SPPL2C: variants seen among roughly 807,000 people sequenced by gnomAD.
SPPL2C encodes the protein signal peptide peptidase like 2C.
Under a neutral mutation model 38.8 loss-of-function variants are expected in SPPL2C, and 33 were observed. That is an observed-to-expected ratio of 0.85 (90% CI 0.64 to 1.14). SPPL2C has a LOEUF of 1.14. SPPL2C is among the 50% of genes most tolerant of loss of function. The probability of loss-of-function intolerance (pLI) is 0.00; values close to 1 mark genes in which losing one functional copy is unlikely to be tolerated. For synonymous variants in SPPL2C, 384 were observed against 390.7 expected, an observed-to-expected ratio of 0.98 and a Z score of 0.20; for missense variants, 899 against 904.4, an observed-to-expected ratio of 0.99 and a Z score of 0.08.
Position 45,845,518 on chromosome 17 carries a change from G to T in SPPL2C, c.612G>T (p.Trp204Cys). Residue 204 changes from tryptophan to cysteine, a missense_variant, in exon 1 of 1, where the codon TGG becomes TGT. By Grantham distance (215) the Trp-to-Cys change is radical. Coordinates refer to ENST00000329196, the MANE Select transcript of SPPL2C (RefSeq NM_175882.3). ...AVGTVAAGGY[W>C]AGLTEANRLQ... ...GCACAGTGGCTGCAGGCGGCTACTG[G>T]GCCGGCCTGACCGAAGCCAACCGGC... 6.2e-7 allele frequency: 1 copy of T among 1,602,340 alleles called. No homozygotes were observed.
In SPPL2C at chr17:45,845,445, A is replaced by G; in HGVS notation, c.539A>G (p.Glu180Gly). The G allele has an allele frequency of 3.1e-6, 5 of 1,611,718 alleles. No individual in the cohort carries two copies. Among genetic ancestry groups the G allele is most frequent in the Non-Finnish European group, 4.2e-6 (5 of 1,180,002 alleles). The change falls in exon 1 of 1, where the codon GAG (glutamate) becomes GGG (glycine). Residue 180 changes from glutamate (E) to glycine (G), a missense_variant. Transcript: ENST00000329196. Reference sequence around the variant, plus strand: ...CGCGTGGCCATGTACGCACCCCCAGAGCCCATCATCGACTACAACATGCTG... The same window carrying G: ...CGCGTGGCCATGTACGCACCCCCAGGGCCCATCATCGACTACAACATGCTG... ...VVRVAMYAPP[E>G]PIIDYNMLVI...
Position 45,845,803 on chromosome 17 carries a change from C to G in SPPL2C, c.897C>G (p.Pro299=). The G allele has an allele frequency of 1.2e-6, 2 of 1,609,452 alleles. No individual in the cohort carries two copies. The highest frequency in any genetic ancestry group is 1.7e-6 in the Non-Finnish European group (2 of 1,179,966). Residue 299 remains proline (P), a synonymous_variant, in exon 1 of 1, where the codon CCC becomes CCG. Transcript: ENST00000329196. ...AGIGLYSCLS[P]LVCRLSLRQY... ...TTGGCCTCTACAGCTGCCTGTCACCCCTGGTGTGCCGCCTGTCCCTGCGGC... is the reference window on the plus strand; with the variant it reads ...TTGGCCTCTACAGCTGCCTGTCACCGCTGGTGTGCCGCCTGTCCCTGCGGC...
Position 45,846,865 on chromosome 17 carries a change from G to A in SPPL2C, c.1959G>A (p.Gln653=), listed in dbSNP as rs12373140. The A allele has an allele frequency of 0.19, 304,350 of 1,612,274 alleles. 32,743 individuals are homozygous for A. Among genetic ancestry groups the A allele is most frequent in the Non-Finnish European group, 0.22 (261,203 of 1,179,172 alleles). ...PPSELGHVHA[Q]AQAHETGLPW... ...CAGAGCTGGGCCATGTCCATGCCCA[G>A]GCCCAGGCCCACGAGACTGGCCTGC... The change falls in exon 1 of 1, where the codon CAG becomes CAA. Residue 653 remains glutamine (Q), a synonymous_variant. Coordinates refer to ENST00000329196, the MANE Select transcript of SPPL2C (RefSeq NM_175882.3).
In SPPL2C at chr17:45,846,150, C is replaced by T. The variant is rs769570136; in HGVS notation, c.1244C>T (p.Ser415Leu). 9 of 1,614,182 alleles carry T rather than the reference C, an allele frequency of 5.6e-6. No homozygotes were observed. The highest frequency in any genetic ancestry group is 7.6e-6 in the Non-Finnish European group (9 of 1,180,024). ...GTTGCCTTGGGCCCTGCAGAGTCTTCAAGCCATGAGAGGCTGCCCATGGTA... is the reference window on the plus strand; with the variant it reads ...GTTGCCTTGGGCCCTGCAGAGTCTTTAAGCCATGAGAGGCTGCCCATGGTA... ...AQVALGPAESSSHERLPMVLK... is the reference protein window; with the variant it reads ...AQVALGPAESLSHERLPMVLK... The change falls in exon 1 of 1, where the codon TCA becomes TTA. Residue 415 changes from serine (S) to leucine (L), a missense_variant. Ser to Leu is a moderately radical substitution (Grantham distance 145). Transcript: ENST00000329196.
At position 45,845,207 on chromosome 17, in the gene SPPL2C, T is replaced by C. The variant is rs1231086636; in HGVS notation, c.301T>C (p.Cys101Arg). The stretch of plus-strand genomic sequence containing the variant: ...CACTGCCATGGTCATGAGGGGTAAC[T>C]GCAGCTTCCACACGAAAGGCTGGCT... ...QTTAMVMRGNCSFHTKGWLAQ... is the reference protein window; with the variant it reads ...QTTAMVMRGNRSFHTKGWLAQ... Residue 101 changes from cysteine (C) to arginine (R), a missense_variant, in exon 1 of 1, where the codon TGC (cysteine) becomes CGC (arginine). Cys to Arg is a radical substitution (Grantham distance 180, BLOSUM62 -3). Coordinates refer to ENST00000329196, the MANE Select transcript of SPPL2C (RefSeq NM_175882.3). 6.2e-7 allele frequency: 1 copy of C among 1,613,698 alleles called. No individual in the cohort carries two copies. Among genetic ancestry groups the C allele is most frequent in the Non-Finnish European group, 8.5e-7 (1 of 1,179,896 alleles).
At position 45,847,036 on chromosome 17, in the gene SPPL2C, GA is replaced by G. The variant is rs2062557687; in HGVS notation, c.*78del. On this transcript the variant is annotated 3_prime_UTR_variant, in exon 1 of 1. Transcript: ENST00000329196. ...AGAGCAAAGCCATGCATGGCAACAA[GA>G]AATCAGGGTATCAAAGAGATTTCAT... is the stretch of plus-strand genomic sequence containing the variant. The G allele has an allele frequency of 7.0e-7, 1 of 1,423,844 alleles. No homozygotes were observed. 88.2% of individuals were successfully genotyped at this position (1,423,844 alleles called of 1,614,324 possible). A position where few individuals can be genotyped will look rare whatever the true frequency, so the allele number is the denominator to read the frequency against.
Position 45,845,131 on chromosome 17 carries a change from C to T in SPPL2C, c.225C>T (p.Ser75=). ...CACCCTGGTGCCCGGGTGAGGATTC[C>T]CCCCACCAGGCCCAGCTCCGCTCCC... The part of the protein sequence containing the change: ...TKAPWCPGED[S]PHQAQLRSPS... Residue 75 remains serine (S), a synonymous_variant, in exon 1 of 1, where the codon TCC becomes TCT. Transcript: ENST00000329196. 2 of 1,610,606 alleles carry T rather than the reference C, an allele frequency of 1.2e-6. No homozygotes were observed. Among genetic ancestry groups the T allele is most frequent in the Non-Finnish European group, 1.7e-6 (2 of 1,177,216 alleles).
Sources: allele counts gnomAD v4.1 joint callset, GRCh38; gene constraint gnomAD v4.1.1; transcripts MANE v1.5; gene names NCBI Gene and HGNC (gene_info 2026-07-23, HGNC 2026-07-21).